Variants in MID1 observed in about 807,000 individuals in gnomAD.
MID1 encodes the protein midline 1, also known as E3 ubiquitin-protein ligase Midline-1.
Under a neutral mutation model 40.4 loss-of-function variants are expected in MID1, and 7 were observed. That is an observed-to-expected ratio of 0.17 (90% CI 0.10 to 0.33). The LOEUF is 0.33. Among genes scored for constraint, MID1 ranks in the 10% least tolerant of loss-of-function variants. The probability of loss-of-function intolerance (pLI) is 1.00; values close to 1 mark genes in which losing one functional copy is unlikely to be tolerated. For missense variants in MID1, 367 were observed against 558.5 expected, an observed-to-expected ratio of 0.66 and a Z score of 3.46; for synonymous variants, 229 against 221.2, an observed-to-expected ratio of 1.04 and a Z score of -0.31.
At position 10,822,801 on chromosome X, in the gene MID1, C is replaced by A. The variant is rs180713756; in HGVS notation, c.-187+10753G>T. Among the ~76,000 whole-genome samples the A allele has an allele frequency of 5.4e-3, 597 of 111,411 alleles. 4 individuals carry two copies. The highest frequency in any genetic ancestry group is 0.018 in the African/African-American group (567 of 30,680). Reference sequence around the variant, plus strand: ...CATCTCATGCCAGTCAGAATGGCAACTATTAAACAGTCAAAGAACAACAGA... The same window carrying A: ...CATCTCATGCCAGTCAGAATGGCAAATATTAAACAGTCAAAGAACAACAGA... On this transcript the variant is annotated intron_variant, in intron 1 of 10. Transcript: ENST00000380785.
chrX:10,754,239 G>A lies in MID1; in HGVS notation c.-187+79315C>T, dbSNP rs145798235. 9.1e-3 allele frequency among the ~76,000 whole-genome samples: 1,012 copies of A among 111,556 alleles called. 13 individuals are homozygous for A. The highest frequency in any genetic ancestry group is 0.031 in the African/African-American group (954 of 30,527). On this transcript the variant is annotated intron_variant, in intron 1 of 10. Coordinates refer to the MID1 transcript ENST00000380785. ...TATTGTTGAACTGAAGACATTTTTG[G>A]ATCAGGTGAGTTCTCTTATTTCCAC...
chrX:10,681,126 T>C (rs1170031496), intron 1 of MID1, among the ~76,000 whole-genome samples: 3 of 109,584 alleles, frequency 2.7e-5, no homozygotes, highest in African/African-American at 9.9e-5. Context: ...GATGTTTGTA[T>C]TAAAGGCAAC....
intron 1 of MID1, among the ~76,000 whole-genome samples, chrX:10,678,534 C>T (rs1375282735): frequency 8.9e-6 from 1 of 112,085 alleles, no homozygotes; most frequent in African/African-American, 3.2e-5. Context: ...TATAGCTACA[C>T]CTATATATCT....
chrX:10,455,213 C>G (rs1928585678), intron 8 of MID1, 136 bp from the exon 9 acceptor site: 1 of 521,463 alleles, frequency 1.9e-6, no homozygotes, highest in Non-Finnish European at 3.3e-6. Flanking sequence ...CCTCCTATCA[C>G]AAAGTGGTAT....
chrX:10,580,147 T>C (rs1456289490), intron 1 of MID1, among the ~76,000 whole-genome samples: 1 of 107,909 alleles, frequency 9.3e-6, no homozygotes, highest in East Asian at 2.9e-4. Flanking sequence ...CTGTAAAGTG[T>C]CATAAAATTA....
At chrX:10,465,262 TAC>T (rs1929323311) in intron 7 of MID1, among the ~76,000 whole-genome samples, 3 of 54,259 alleles carry the variant, frequency 5.5e-5, no homozygotes, top group African/African-American at 2.5e-4. Context: ...CACACACACA[TAC>T]ATATATGAAA....
intron 7 of MID1, among the ~76,000 whole-genome samples, chrX:10,461,679 CAAAAA>C (rs1929050914): frequency 9.0e-6 from 1 of 111,519 alleles, no homozygotes; most frequent in African/African-American, 3.3e-5. Flanking sequence ...AGTAATAAAA[CAAAAA>C]ATTAGCTTTT....
chrX:10,509,250 A>AGT (rs745524662), intron 3 of MID1, among the ~76,000 whole-genome samples: 179 of 110,529 alleles, frequency 1.6e-3, no homozygotes, highest in African/African-American at 4.9e-3. Flanking sequence ...TGAGTTTGTG[A>AGT]GTGTGTGTGT....
chrX:10,584,010 G>A (rs1185100997), intron 1 of MID1, among the ~76,000 whole-genome samples: 3 of 108,160 alleles, frequency 2.8e-5, no homozygotes, highest in African/African-American at 6.8e-5. Context: ...CAGCCTGGGC[G>A]ACAGACTGAG....
At chrX:10,713,773 T>C (rs2043283999) in intron 1 of MID1, among the ~76,000 whole-genome samples, 1 of 112,046 alleles carries the variant, frequency 8.9e-6, no homozygotes, top group Admixed American at 9.5e-5. Flanking sequence ...TCAAGCCCAC[T>C]AGTTGAGATG....
intron 1 of MID1, among the ~76,000 whole-genome samples, chrX:10,776,347 C>T (rs1229361753): frequency 8.9e-6 from 1 of 111,828 alleles, no homozygotes; most frequent in Non-Finnish European, 1.9e-5. Flanking sequence ...TTCCAGTATT[C>T]AGGACAGTCA....
At chrX:10,477,738 T>C (rs987409837) in intron 5 of MID1, among the ~76,000 whole-genome samples, 2 of 112,236 alleles carry the variant, frequency 1.8e-5, no homozygotes, top group African/African-American at 6.5e-5. Context: ...TCTGGAGCTA[T>C]GCTGCTCACA....
At chrX:10,781,055 T>G (rs112686216) in intron 1 of MID1, among the ~76,000 whole-genome samples, 4,211 of 111,633 alleles carry the variant, frequency 0.038, 176 homozygotes, top group African/African-American at 0.13. Flanking sequence ...TGGGGACCCC[T>G]GGTTTACAGT....
upstream of MID1, among the ~76,000 whole-genome samples, chrX:10,623,940 C>G (rs1171162911): frequency 9.0e-6 from 1 of 111,005 alleles, no homozygotes; most frequent in Non-Finnish European, 1.9e-5. Flanking sequence ...ATACCGTGTT[C>G]GAAGTGATTA....
chrX:10,498,473 C>T (rs1569070069), intron 3 of MID1, among the ~76,000 whole-genome samples: 1 of 111,800 alleles, frequency 8.9e-6, no homozygotes, highest in East Asian at 2.8e-4. Context: ...TAAAATTTGT[C>T]CATTTAAAAT....
chrX:10,730,979 G>A (rs1025923091), intron 1 of MID1, among the ~76,000 whole-genome samples: 1 of 111,470 alleles, frequency 9.0e-6, no homozygotes, highest in Non-Finnish European at 1.9e-5. Flanking sequence ...CCCTTAATAT[G>A]GAAATTTGTG....
At chrX:10,562,439 CATTA>C (rs1481982626) in intron 2 of MID1, among the ~76,000 whole-genome samples, 1 of 101,642 alleles carries the variant, frequency 9.8e-6, no homozygotes. Flanking sequence ...CTCTCCTAGT[CATTA>C]ATTGATTACA....
intron 1 of MID1, among the ~76,000 whole-genome samples, chrX:10,705,068 AC>A (rs2043220788): frequency 8.9e-6 from 1 of 111,811 alleles, no homozygotes; most frequent in African/African-American, 3.2e-5. Flanking sequence ...AGCCGAGACA[AC>A]AAATATGAAA....
intron 6 of MID1, among the ~76,000 whole-genome samples, chrX:10,472,173 T>C (rs185034577): frequency 6.2e-5 from 7 of 112,542 alleles, no homozygotes; most frequent in African/African-American, 2.3e-4. Context: ...AAAGACTTCA[T>C]TTCCTGCTTA....
Sources: gnomAD v4.1 joint callset for allele counts (sites outside exome capture counted in the v4.1 genomes callset) on GRCh38, gnomAD v4.1.1 for gene constraint, MANE v1.5 for transcripts, NCBI Gene and HGNC (gene_info 2026-07-23, HGNC 2026-07-21) for gene names.